The following KCNQ1OT1 variants were observed in gnomAD, a reference collection of about 807,000 sequenced individuals.
KCNQ1OT1 encodes KCNQ1 opposite strand/antisense transcript 1, also known as KCNQ1 antisense RNA 2 (non-protein coding).
chr11:2,650,506 A>G, exon 1 of KCNQ1OT1: 1 of 398,646 alleles, frequency 2.5e-6, no homozygotes, highest in Non-Finnish European at 4.4e-6. Flanking sequence ...TCTACAATTA[A>G]TTAGACTATA....
exon 1 of KCNQ1OT1, chr11:2,681,888 G>C (rs1419298632): frequency 2.5e-6 from 1 of 398,484 alleles, no homozygotes; most frequent in African/African-American, 2.1e-5. Context: ...TAGGTGGGGA[G>C]AAAACACACC....
exon 1 of KCNQ1OT1, chr11:2,619,852 G>A: frequency 2.5e-6 from 1 of 398,322 alleles, no homozygotes; most frequent in East Asian, 3.6e-5. Flanking sequence ...AGGTTTTGGG[G>A]TTTTTTTAAC....
chr11:2,620,224 A>C lies in KCNQ1OT1; in HGVS notation n.79771T>G. On this transcript the variant is annotated non_coding_transcript_exon_variant, in exon 1 of 1. Coordinates refer to ENST00000597346, the Ensembl canonical transcript of KCNQ1OT1. This position sits in a 1 kb window ranked among gnomAD's most constrained non-coding sequence, Gnocchi z 4.5. Reference sequence around the variant, plus strand: ...GTATATATATATATTTTTTTTTTTTATTTTTTTTTTAGACGGAGTTTCGCT... The same window carrying C: ...GTATATATATATATTTTTTTTTTTTCTTTTTTTTTTAGACGGAGTTTCGCT... 1 of 225,824 alleles carries C rather than the reference A, an allele frequency of 4.4e-6. No homozygotes were observed. The highest frequency in any genetic ancestry group is 8.1e-5 in the East Asian group (1 of 12,414). 14.0% of individuals were successfully genotyped at this position (225,824 alleles called of 1,614,324 possible). A position where few individuals can be genotyped will look rare whatever the true frequency, so the allele number is the denominator to read the frequency against.
chr11:2,674,212 T>C lies in KCNQ1OT1; in HGVS notation n.25783A>G, dbSNP rs1590023402. The C allele has an allele frequency of 2.5e-6, 1 of 398,620 alleles. No individual in the cohort carries two copies. Among genetic ancestry groups the C allele is most frequent in the Non-Finnish European group, 4.4e-6 (1 of 226,106 alleles). 24.7% of individuals were successfully genotyped at this position (398,620 alleles called of 1,614,324 possible). A position where few individuals can be genotyped will look rare whatever the true frequency, so the allele number is the denominator to read the frequency against. On this transcript the variant is annotated non_coding_transcript_exon_variant, in exon 1 of 1. Coordinates refer to ENST00000597346, the Ensembl canonical transcript of KCNQ1OT1. The surrounding 1 kb of genome is among the most constrained non-coding windows in gnomAD (Gnocchi z 5.9). ...GAGAGCACAGCCAGTTGTGGGTTTT[T>C]CTTGGGGCCCAGATAGATGTGAGCA...
chr11:2,640,481 G>A (rs1474230229), exon 1 of KCNQ1OT1: 15 of 398,014 alleles, frequency 3.8e-5, no homozygotes, highest in Non-Finnish European at 5.3e-5. Context: ...AGACAGGGTC[G>A]TGCATTGTTG....
chr11:2,687,884 C>T lies in KCNQ1OT1; in HGVS notation n.12111G>A, dbSNP rs540451131. 1.1e-4 allele frequency: 44 copies of T among 398,540 alleles called. No homozygotes were observed. Among genetic ancestry groups the T allele is most frequent in the Non-Finnish European group, 1.5e-4 (33 of 226,102 alleles). 24.7% of individuals were successfully genotyped at this position (398,540 alleles called of 1,614,324 possible). On this transcript the variant is annotated non_coding_transcript_exon_variant, in exon 1 of 1. Transcript: ENST00000597346. This position sits in a 1 kb window ranked among gnomAD's most constrained non-coding sequence, Gnocchi z 5.0. Reference sequence around the variant, plus strand: ...CAAAGGCTGGACTTGGGGTGTCCCGCGGAAATCCTGGTGGGATGGAAAATC... The same window carrying T: ...CAAAGGCTGGACTTGGGGTGTCCCGTGGAAATCCTGGTGGGATGGAAAATC...
In KCNQ1OT1 at chr11:2,661,930, C is replaced by G. The variant is rs756990542; in HGVS notation, n.38065G>C. The G allele has an allele frequency of 6.2e-7, 1 of 1,614,066 alleles. No homozygotes were observed. The highest frequency in any genetic ancestry group is 8.5e-7 in the Non-Finnish European group (1 of 1,180,022). ...AGCACTGGCAGGTTGGGTGGGAGGC[C>G]TAACGTGCTGTCCCCACACTTTCTC... On this transcript the variant is annotated non_coding_transcript_exon_variant, in exon 1 of 1. Coordinates refer to ENST00000597346, the Ensembl canonical transcript of KCNQ1OT1. The surrounding 1 kb of genome is among the most constrained non-coding windows in gnomAD (Gnocchi z 5.9).
Position 2,683,696 on chromosome 11 carries a change from G to C in KCNQ1OT1, n.16299C>G, listed in dbSNP as rs1054825967. 3.5e-5 allele frequency: 14 copies of C among 398,480 alleles called. No individual in the cohort carries two copies. Among genetic ancestry groups the C allele is most frequent in the Non-Finnish European group, 4.4e-6 (1 of 226,088 alleles). 24.7% of individuals were successfully genotyped at this position (398,480 alleles called of 1,614,324 possible). A position where few individuals can be genotyped will look rare whatever the true frequency, so the allele number is the denominator to read the frequency against. Reference sequence around the variant, plus strand: ...TACAACTGTGAAAAGCCTAGCCTGGGACTCAGGCCTTTCCTTACTCCCTCT... The same window carrying C: ...TACAACTGTGAAAAGCCTAGCCTGGCACTCAGGCCTTTCCTTACTCCCTCT... On this transcript the variant is annotated non_coding_transcript_exon_variant, in exon 1 of 1. Coordinates refer to ENST00000597346, the Ensembl canonical transcript of KCNQ1OT1. This position sits in a 1 kb window ranked among gnomAD's most constrained non-coding sequence, Gnocchi z 4.7.
At chr11:2,694,783 A>G in exon 1 of KCNQ1OT1, 1 of 391,542 alleles carries the variant, frequency 2.6e-6, no homozygotes, top group Non-Finnish European at 4.4e-6. Context: ...TGCTTTGCAG[A>G]GACTCGAAAG....
chr11:2,662,969 G>T (rs1365232393), exon 1 of KCNQ1OT1: 1 of 398,620 alleles, frequency 2.5e-6, no homozygotes, highest in Non-Finnish European at 4.4e-6. Flanking sequence ...TCCTGCCTTT[G>T]CAGCCAGCCA....
rs1157654099 is a variant in KCNQ1OT1 at position 2,691,425 on chromosome 11, T to TG, written n.8569dup. The TG allele has an allele frequency of 1.5e-5, 6 of 398,520 alleles. No homozygotes were observed. The Admixed American group carries it at 2.6e-4, about 18-fold the overall frequency. The allele number at this position is 398,520 out of a possible 1,614,324, so 24.7% of individuals were successfully genotyped here. A position where few individuals can be genotyped will look rare whatever the true frequency, so the allele number is the denominator to read the frequency against. ...GAACTGCTGTCTGTGGGGAGTCCACTGAAGCTCCCTGCCCCCACTGAGTCT... is the reference window on the plus strand; with the variant it reads ...GAACTGCTGTCTGTGGGGAGTCCACTGGAAGCTCCCTGCCCCCACTGAGTCT... On this transcript the variant is annotated non_coding_transcript_exon_variant, in exon 1 of 1. Coordinates refer to ENST00000597346, the Ensembl canonical transcript of KCNQ1OT1. This position sits in a 1 kb window ranked among gnomAD's most constrained non-coding sequence, Gnocchi z 6.4.
At position 2,664,365 on chromosome 11, in the gene KCNQ1OT1, G is replaced by A. The variant is rs1480829975; in HGVS notation, n.35630C>T. The A allele has an allele frequency of 2.5e-6, 1 of 398,742 alleles. No homozygotes were observed. The highest frequency in any genetic ancestry group is 4.4e-6 in the Non-Finnish European group (1 of 226,240). The allele number at this position is 398,742 out of a possible 1,614,324, so 24.7% of individuals were successfully genotyped here. A position where few individuals can be genotyped will look rare whatever the true frequency, so the allele number is the denominator to read the frequency against. On this transcript the variant is annotated non_coding_transcript_exon_variant, in exon 1 of 1. Coordinates refer to ENST00000597346, the Ensembl canonical transcript of KCNQ1OT1. This position sits in a 1 kb window ranked among gnomAD's most constrained non-coding sequence, Gnocchi z 5.1. ...GAGCTGGGTTCCTGCATCCTCAGAA[G>A]TCAGGGTACGGTCCCTCCAGAGAGG...
At chr11:2,631,477 T>G in exon 1 of KCNQ1OT1, 1 of 395,784 alleles carries the variant, frequency 2.5e-6, no homozygotes, top group Admixed American at 4.4e-5. Flanking sequence ...TTTTGTGTAT[T>G]AATGATTTCA....
At chr11:2,619,037 T>G in exon 1 of KCNQ1OT1, 1 of 398,490 alleles carries the variant, frequency 2.5e-6, no homozygotes, top group Non-Finnish European at 4.4e-6. Context: ...TCCTACAACT[T>G]TACTGAACTC....
At chr11:2,665,500 G>A (rs1352257747) in exon 1 of KCNQ1OT1, 3 of 394,940 alleles carry the variant, frequency 7.6e-6, no homozygotes, top group Admixed American at 4.5e-5. Context: ...GCATCCCTGT[G>A]CCTTGCGTGT....
At chr11:2,616,478 A>G in exon 1 of KCNQ1OT1, 1 of 397,794 alleles carries the variant, frequency 2.5e-6, no homozygotes, top group Admixed American at 4.4e-5. Flanking sequence ...CGTAAGGTAT[A>G]ATATTAGGTT....
exon 1 of KCNQ1OT1, chr11:2,675,954 A>G: frequency 1.0e-5 from 4 of 398,690 alleles, no homozygotes. Flanking sequence ...ACCAATTCAG[A>G]GTACAAAAGG....
exon 1 of KCNQ1OT1, chr11:2,650,149 A>G (rs1166649523): frequency 7.5e-6 from 3 of 397,934 alleles, no homozygotes; most frequent in Non-Finnish European, 1.3e-5. Flanking sequence ...GTTCTTTTTC[A>G]TATCTAACTC....
rs1408515452 is a variant in KCNQ1OT1 at position 2,669,585 on chromosome 11, G to A, written n.30410C>T. 2.8e-5 allele frequency: 11 copies of A among 398,502 alleles called. No individual in the cohort carries two copies. 24.7% of individuals were successfully genotyped at this position (398,502 alleles called of 1,614,324 possible). A position where few individuals can be genotyped will look rare whatever the true frequency, so the allele number is the denominator to read the frequency against. On this transcript the variant is annotated non_coding_transcript_exon_variant, in exon 1 of 1. Transcript: ENST00000597346. This position sits in a 1 kb window ranked among gnomAD's most constrained non-coding sequence, Gnocchi z 5.6. The stretch of plus-strand genomic sequence containing the variant: ...TGGCCAGCTTGGGTCATTTCATCCT[G>A]CCCACAGGACACTGGGGCAGTCACC...
Sources: gnomAD v4.1 joint callset for allele counts on GRCh38, gnomAD v4.1.1 for gene constraint, Gnocchi (gnomAD v3.1) non-coding constraint, MANE v1.5 for transcripts, NCBI Gene and HGNC (gene_info 2026-07-23, HGNC 2026-07-21) for gene names.